Variants in CNTN4 observed in about 807,000 individuals in gnomAD.
The protein encoded by CNTN4 is contactin-4.
CNTN4 carries 77 observed loss-of-function variants against 122.5 expected under a neutral mutation model. The observed-to-expected ratio is 0.63, with a 90% CI of 0.52 to 0.76. CNTN4 has a LOEUF of 0.76. Ranked by LOEUF, CNTN4 falls within the 30% of genes least tolerant of loss-of-function variation. CNTN4 has a pLI of 0.00. For synonymous variants in CNTN4, 512 were observed against 447.0 expected, an observed-to-expected ratio of 1.15 and a Z score of -1.83; for missense variants, 1,256 against 1,259.1, an observed-to-expected ratio of 1.00 and a Z score of 0.04.
At chr3:2,448,975 C>G (rs1029399888) in intron 3 of CNTN4, among the ~76,000 whole-genome samples, 1 of 152,154 alleles carries the variant, frequency 6.6e-6, no homozygotes, top group Non-Finnish European at 1.5e-5. Flanking sequence ...AATCTCCAAC[C>G]TAGCCCATGT....
At chr3:2,737,003 T>C (rs6793002) in intron 5 of CNTN4, among the ~76,000 whole-genome samples, 32,805 of 151,614 alleles carry the variant, frequency 0.22, 3,937 homozygotes, top group East Asian at 0.3. Flanking sequence ...AGGCTGATCT[T>C]GAATTCCTGA....
At chr3:2,730,474 T>G (rs1369194368) in intron 4 of CNTN4, among the ~76,000 whole-genome samples, 1 of 79,224 alleles carries the variant, frequency 1.3e-5, no homozygotes, top group Non-Finnish European at 2.3e-5. Flanking sequence ...TTGACTTACC[T>G]TTTTACTATG....
chr3:2,358,272 C>T (rs1469756294), intron 3 of CNTN4, among the ~76,000 whole-genome samples: 2 of 152,086 alleles, frequency 1.3e-5, no homozygotes, highest in Non-Finnish European at 2.9e-5. Context: ...TTCGAGCCTC[C>T]GTTTTTGCAA....
At chr3:2,290,933 T>A (rs1575283096) in intron 2 of CNTN4, among the ~76,000 whole-genome samples, 4 of 152,318 alleles carry the variant, frequency 2.6e-5, no homozygotes, top group East Asian at 3.9e-4. Flanking sequence ...TAGGATTTTT[T>A]AAAATGACAT....
At chr3:2,877,886 G>C (rs1577127146) in intron 8 of CNTN4, among the ~76,000 whole-genome samples, 1 of 152,186 alleles carries the variant, frequency 6.6e-6, no homozygotes. Flanking sequence ...AGAAAGTAAA[G>C]GCCAAAATAG....
At chr3:2,927,558 A>G (rs2094484991) in intron 13 of CNTN4, 1 of 224,802 alleles carries the variant, frequency 4.4e-6, no homozygotes, top group African/African-American at 2.3e-5. Flanking sequence ...TTTGAACAGT[A>G]TTAATGACTG....
At position 2,168,222 on chromosome 3, in the gene CNTN4, T is replaced by C. The variant is rs115216297; in HGVS notation, c.-145+67583T>C. Among the ~76,000 whole-genome samples the C allele has an allele frequency of 4.6e-3, 699 of 152,304 alleles. 4 individuals carry two copies. Among genetic ancestry groups the C allele is most frequent in the African/African-American group, 0.016 (668 of 41,562 alleles). ...GGAATGTTTATGAAATTTGATCATA[T>C]ATGTAAAGAAAATTTCAAATATTAA... is the stretch of plus-strand genomic sequence containing the variant. On this transcript the variant is annotated intron_variant, in intron 2 of 24. Transcript: ENST00000418658.
At chr3:2,229,373 T>C (rs71309877) in intron 2 of CNTN4, among the ~76,000 whole-genome samples, 8,037 of 152,248 alleles carry the variant, frequency 0.053, 290 homozygotes, top group Non-Finnish European at 0.079. Flanking sequence ...CACATCAGCT[T>C]CCTGAAGTCC....
chr3:2,169,579 TG>T (rs1394304399), intron 2 of CNTN4, among the ~76,000 whole-genome samples: 1 of 150,528 alleles, frequency 6.6e-6, no homozygotes, highest in Non-Finnish European at 1.5e-5. Flanking sequence ...CTGATTTTTT[TG>T]TAGAGACGGG....
chr3:2,372,070 C>T (rs2045652140), intron 3 of CNTN4, among the ~76,000 whole-genome samples: 1 of 152,076 alleles, frequency 6.6e-6, no homozygotes, highest in Admixed American at 6.6e-5. Context: ...ATGATATAAG[C>T]TCTGGTAATA....
Position 2,135,020 on chromosome 3 carries a change from G to A in CNTN4, c.-145+34381G>A, listed in dbSNP as rs1219715959. 9.2e-5 allele frequency among the ~76,000 whole-genome samples: 14 copies of A among 152,128 alleles called. No individual in the cohort carries two copies. In the East Asian group the frequency reaches 2.7e-3, roughly 29 times the overall value. On this transcript the variant is annotated intron_variant, in intron 2 of 24. Coordinates refer to ENST00000418658, the MANE Select transcript of CNTN4 (RefSeq NM_175607.3). Reference sequence around the variant, plus strand: ...TTGATATATAAAATTGACCATCACAGCCCCTTACAACAAAGAGTTATCAGG... The same window carrying A: ...TTGATATATAAAATTGACCATCACAACCCCTTACAACAAAGAGTTATCAGG...
chr3:2,765,253 G>T lies in CNTN4; in HGVS notation c.358+19556G>T, dbSNP rs146192338. Among the ~76,000 whole-genome samples, 394 of 152,176 alleles carry T rather than the reference G, an allele frequency of 2.6e-3. 2 individuals are homozygous for T. The highest frequency in any genetic ancestry group is 4.5e-3 in the Non-Finnish European group (307 of 68,018). On this transcript the variant is annotated intron_variant, in intron 6 of 24. Coordinates refer to ENST00000418658, the MANE Select transcript of CNTN4 (RefSeq NM_175607.3). ...GGATAGGGTTTCAATATCACCACTC[G>T]TACTTGTCGTCACTGAGTTTCTGCA...
At position 2,448,958 on chromosome 3, in the gene CNTN4, T is replaced by C. The variant is rs114631096; in HGVS notation, c.-89+109725T>C. On this transcript the variant is annotated intron_variant, in intron 3 of 24. Transcript: ENST00000418658. ...CTACCTTTCTATCTCCAGAGGCTTT[T>C]ACTTTAAATCTCCAACCTAGCCCAT... Among the ~76,000 whole-genome samples the C allele has an allele frequency of 3.7e-3, 559 of 152,310 alleles. 6 individuals are homozygous for C. Among genetic ancestry groups the C allele is most frequent in the African/African-American group, 0.013 (531 of 41,564 alleles).
intron 2 of CNTN4, among the ~76,000 whole-genome samples, chr3:2,257,141 T>C (rs1394275344): frequency 6.6e-6 from 1 of 152,216 alleles, no homozygotes. Flanking sequence ...GCCTCACATC[T>C]ACACCCATCT....
intron 14 of CNTN4, among the ~76,000 whole-genome samples, chr3:3,022,378 G>A (rs1314793607): frequency 6.6e-6 from 1 of 152,166 alleles, no homozygotes; most frequent in Non-Finnish European, 1.5e-5. Context: ...ACTCCAGCTT[G>A]GGCAACAGAA....
chr3:3,019,661 C>T (rs894919690), intron 14 of CNTN4, among the ~76,000 whole-genome samples: 1 of 149,826 alleles, frequency 6.7e-6, no homozygotes, highest in Non-Finnish European at 1.5e-5. Flanking sequence ...CAAACACCAC[C>T]ATATATATAT....
Position 3,002,406 on chromosome 3 carries a change from T to A in CNTN4, c.1486+13934T>A, listed in dbSNP as rs111232553. Among the ~76,000 whole-genome samples, 422 of 152,264 alleles carry A rather than the reference T, an allele frequency of 2.8e-3. 2 individuals carry two copies. The highest frequency in any genetic ancestry group is 8.9e-3 in the African/African-American group (369 of 41,552). On this transcript the variant is annotated intron_variant, in intron 14 of 24. Transcript: ENST00000418658. ...ACTCCTTGCCAACTAGGGACGAATA[T>A]AATTCAGGTTTAGCTCAAAAAAGAG...
intron 7 of CNTN4, among the ~76,000 whole-genome samples, chr3:2,829,523 T>C (rs2093057221): frequency 6.6e-6 from 1 of 152,238 alleles, no homozygotes; most frequent in Admixed American, 6.5e-5. Flanking sequence ...AGTGACTTGC[T>C]TCTCCTCTAC....
At chr3:2,960,615 G>A (rs981696988) in intron 13 of CNTN4, among the ~76,000 whole-genome samples, 2 of 152,106 alleles carry the variant, frequency 1.3e-5, no homozygotes, top group African/African-American at 2.4e-5. Flanking sequence ...AAGAGAAATC[G>A]GCAAGCTGTT....
Sources: gnomAD v4.1 joint callset for allele counts (sites outside exome capture counted in the v4.1 genomes callset) on GRCh38, gnomAD v4.1.1 for gene constraint, MANE v1.5 for transcripts, NCBI Gene and HGNC (gene_info 2026-07-23, HGNC 2026-07-21) for gene names.